The following ITIH5 variants were observed in gnomAD, a reference collection of about 807,000 sequenced individuals.
The protein encoded by ITIH5 is inter-alpha-trypsin inhibitor heavy chain 5, also known as inter-alpha-trypsin inhibitor heavy chain H5.
Under a neutral mutation model 77.5 loss-of-function variants are expected in ITIH5, and 65 were observed. That is an observed-to-expected ratio of 0.84 (90% CI 0.69 to 1.03). The LOEUF (loss-of-function observed/expected upper bound fraction) is 1.03, where lower values mean the gene tolerates loss of function less well. Ranked by LOEUF, ITIH5 falls within the 50% of genes least tolerant of loss-of-function variation. The probability of loss-of-function intolerance (pLI) is 0.00; values close to 1 mark genes in which losing one functional copy is unlikely to be tolerated. For synonymous variants in ITIH5, 525 were observed against 494.3 expected, an observed-to-expected ratio of 1.06 and a Z score of -0.82; for missense variants, 1,208 against 1,213.1, an observed-to-expected ratio of 1.00 and a Z score of 0.06.
At chr10:7,599,341 G>A (rs1306010945) in intron 7 of ITIH5, among the ~76,000 whole-genome samples, 1 of 152,190 alleles carries the variant, frequency 6.6e-6, no homozygotes, top group Non-Finnish European at 1.5e-5. Context: ...AGGCATGGCT[G>A]CTTGCTCTAA....
chr10:7,657,039 G>C (rs1397622822), intron 1 of ITIH5, among the ~76,000 whole-genome samples: 5 of 126,396 alleles, frequency 4.0e-5, no homozygotes, highest in African/African-American at 1.6e-4. Context: ...ACCGCGTTCG[G>C]CCTTTTTTTT....
chr10:7,568,921 C>T (rs1195814793), intron 12 of ITIH5, among the ~76,000 whole-genome samples: 2 of 152,032 alleles, frequency 1.3e-5, no homozygotes, highest in Non-Finnish European at 2.9e-5. Flanking sequence ...GAACCTTGGC[C>T]TCCCCGGCAT....
At chr10:7,630,848 T>G (rs1833700829) in intron 5 of ITIH5, among the ~76,000 whole-genome samples, 1 of 152,154 alleles carries the variant, frequency 6.6e-6, no homozygotes, top group Non-Finnish European at 1.5e-5. Context: ...GCCAAACACT[T>G]CTCGGTGATG....
At chr10:7,604,318 C>T (rs970137489) in intron 7 of ITIH5, among the ~76,000 whole-genome samples, 1 of 152,124 alleles carries the variant, frequency 6.6e-6, no homozygotes, top group African/African-American at 2.4e-5. Context: ...TTGATGGAGC[C>T]AGCTTCATCA....
chr10:7,623,472 AAC>A (rs1833506389), intron 5 of ITIH5, among the ~76,000 whole-genome samples: 1 of 152,168 alleles, frequency 6.6e-6, no homozygotes, highest in Non-Finnish European at 1.5e-5. Context: ...AAAAACTGGT[AAC>A]ACAGAGGCAA....
chr10:7,644,360 T>TATATATCACATATATATCAC lies in ITIH5; in HGVS notation c.136-2290_136-2271dup, dbSNP rs1564277162. On this transcript the variant is annotated intron_variant, in intron 2 of 13. Transcript: ENST00000397146. The stretch of plus-strand genomic sequence containing the variant: ...TATCACATATATCACATATATATCA[T>TATATATCACATATATATCAC]ATATATCACATATATATCACATATA... Among the ~76,000 whole-genome samples, 45 of 144,574 alleles carry TATATATCACATATATATCAC rather than the reference T, an allele frequency of 3.1e-4. No homozygotes were observed. In the East Asian group the frequency reaches 8.7e-3, roughly 28 times the overall value. The allele number at this position is 144,574 out of a possible 152,430, so 94.8% of individuals were successfully genotyped here. A position where few individuals can be genotyped will look rare whatever the true frequency, so the allele number is the denominator to read the frequency against.
rs574645718 is a variant in ITIH5, at chr10:7,577,522, C to T, written c.1419-510G>A. ...TACACTTACGTTTCTTAAAGGGACT[C>T]TTAAAAACCTTTTTCTTAGAACCAA... On this transcript the variant is annotated intron_variant, in intron 9 of 13. Coordinates refer to ENST00000397146, the MANE Select transcript of ITIH5 (RefSeq NM_030569.7). Among the ~76,000 whole-genome samples, 3 of 152,336 alleles carry T rather than the reference C, an allele frequency of 2.0e-5. No homozygotes were observed. The East Asian group carries it at 5.8e-4, about 29-fold the overall frequency.
chr10:7,597,040 A>G (rs1188154372), intron 7 of ITIH5, among the ~76,000 whole-genome samples: 2 of 130,320 alleles, frequency 1.5e-5, no homozygotes, highest in Non-Finnish European at 3.2e-5. Flanking sequence ...GTGAGTCTCC[A>G]ACTCAAAAAA....
chr10:7,610,057 T>C (rs1403029302), intron 7 of ITIH5, among the ~76,000 whole-genome samples: 3 of 129,446 alleles, frequency 2.3e-5, no homozygotes, highest in Non-Finnish European at 4.6e-5. Flanking sequence ...CCCTTTCTTT[T>C]TTTTCTTTTT....
chr10:7,581,850 C>G (rs1335865853), intron 8 of ITIH5, among the ~76,000 whole-genome samples: 3 of 147,886 alleles, frequency 2.0e-5, no homozygotes, highest in Non-Finnish European at 4.5e-5. Flanking sequence ...GCATGAGCCA[C>G]CATGCCCGGC....
intron 7 of ITIH5, among the ~76,000 whole-genome samples, chr10:7,607,014 C>T (rs929039770): frequency 6.6e-6 from 1 of 152,208 alleles, no homozygotes; most frequent in African/African-American, 2.4e-5. Flanking sequence ...CAGTTTTCCC[C>T]ACTGTCTTCT....
chr10:7,666,927 G>A lies in ITIH5; in HGVS notation c.-35C>T. On this transcript the variant is annotated 5_prime_UTR_variant, in exon 1 of 14. Coordinates refer to ENST00000397146, the MANE Select transcript of ITIH5 (RefSeq NM_030569.7). ...AGGGCGCGGGACGCTCGGGGACCCG[G>A]CGGGACACGCTTTGCAGCGCCCAGG... is the stretch of plus-strand genomic sequence containing the variant. 6.5e-7 allele frequency: 1 copy of A among 1,541,392 alleles called. No homozygotes were observed.
chr10:7,647,848 C>T (rs759566903), intron 2 of ITIH5, among the ~76,000 whole-genome samples: 1 of 151,982 alleles, frequency 6.6e-6, no homozygotes, highest in African/African-American at 2.4e-5. Flanking sequence ...CCAGTCTAGG[C>T]CAAAGTCATT....
At chr10:7,627,827 C>CTTTTTTTTTTTTTT (rs869139058) in intron 5 of ITIH5, among the ~76,000 whole-genome samples, 7 of 90,804 alleles carry the variant, frequency 7.7e-5, no homozygotes, top group African/African-American at 3.5e-4. Context: ...TGAAATTAAC[C>CTTTTTTTTTTTTTT]TTTTTTTTTT....
Position 7,576,717 on chromosome 10 carries a change from G to A in ITIH5, c.1714C>T (p.His572Tyr). 6.2e-7 allele frequency: 1 copy of A among 1,614,028 alleles called. No individual in the cohort carries two copies. The highest frequency in any genetic ancestry group is 8.5e-7 in the Non-Finnish European group (1 of 1,179,992). Residue 572 changes from histidine to tyrosine, a missense_variant, in exon 10 of 14, where the codon CAC becomes TAC. Physicochemically the swap from His to Tyr is moderately conservative, Grantham distance 83. Transcript: ENST00000397146. ...AGGTAGCTCCAGAGACGCTCGATGT[G>A]GTTGGTGTCCCCCTCTCCATCGCCT... ...PGGDGEGDTN[H>Y]IERLWSYLTT...
In ITIH5 at chr10:7,644,716, T is replaced by TCA. The variant is rs1564277964; in HGVS notation, c.136-2628_136-2627dup. ...ATCACATATCTATATCACATATATA[T>TCA]CATATATATCACATATCTATATCAC... On this transcript the variant is annotated intron_variant, in intron 2 of 13. Coordinates refer to ENST00000397146, the MANE Select transcript of ITIH5 (RefSeq NM_030569.7). Among the ~76,000 whole-genome samples, 117 of 134,304 alleles carry TCA rather than the reference T, an allele frequency of 8.7e-4. 3 individuals are homozygous for TCA. Among genetic ancestry groups the TCA allele is most frequent in the African/African-American group, 3.5e-3 (112 of 32,220 alleles). The allele number at this position is 134,304 out of a possible 152,430, so 88.1% of individuals were successfully genotyped here.
chr10:7,651,358 CG>C (rs1564281289), intron 2 of ITIH5, among the ~76,000 whole-genome samples: 2 of 152,174 alleles, frequency 1.3e-5, no homozygotes, highest in Admixed American at 1.3e-4. Flanking sequence ...GCAGGGCAGG[CG>C]GATCACCTGA....
At chr10:7,590,085 C>A (rs954769509) in intron 7 of ITIH5, among the ~76,000 whole-genome samples, 4 of 152,158 alleles carry the variant, frequency 2.6e-5, no homozygotes, top group Non-Finnish European at 5.9e-5. Context: ...TCCATCCAGA[C>A]CGACCTGCCA....
intron 5 of ITIH5, among the ~76,000 whole-genome samples, chr10:7,629,970 T>TG (rs1472621917): frequency 1.3e-5 from 2 of 152,220 alleles, no homozygotes; most frequent in African/African-American, 2.4e-5. Flanking sequence ...TTGAATGTAT[T>TG]GGGGGGGCTA....
Sources: gnomAD v4.1 joint callset for allele counts (sites outside exome capture counted in the v4.1 genomes callset) on GRCh38, gnomAD v4.1.1 for gene constraint, MANE v1.5 for transcripts, NCBI Gene and HGNC (gene_info 2026-07-23, HGNC 2026-07-21) for gene names.